The following GPM6A variants were observed in gnomAD, a reference collection of about 807,000 sequenced individuals.
The protein encoded by GPM6A is glycoprotein M6A.
GPM6A carries 7 observed loss-of-function variants against 32.1 expected under a neutral mutation model. The ratio of observed to expected loss-of-function variants is 0.22; its 90% CI spans 0.12 to 0.41. GPM6A has a LOEUF of 0.41. Ranked by LOEUF, GPM6A falls within the 10% of genes least tolerant of loss-of-function variation. The pLI is 1.00. For missense variants in GPM6A, 235 were observed against 347.2 expected (o/e 0.68, Z 2.57); for synonymous variants, 130 against 123.4 (o/e 1.05, Z -0.35).
At chr4:175,730,632 G>A (rs563321545) in intron 1 of GPM6A, among the ~76,000 whole-genome samples, 16 of 151,806 alleles carry the variant, frequency 1.1e-4, no homozygotes, top group African/African-American at 3.9e-4. Flanking sequence ...CACCACGCGC[G>A]GCTAATTTTT....
rs747599416 is a variant in GPM6A, at chr4:175,640,707, T to A, written c.618+46A>T. ...AATACATTATCCAAATAATAAAAAATGAATGCTAAAATTCTGACAAAATTA... is the reference window on the plus strand; with the variant it reads ...AATACATTATCCAAATAATAAAAAAAGAATGCTAAAATTCTGACAAAATTA... On this transcript the variant is annotated intron_variant, in intron 5 of 6. Transcript: ENST00000393658. 3 of 1,233,516 alleles carry A rather than the reference T, an allele frequency of 2.4e-6. No homozygotes were observed. In the South Asian group the frequency reaches 3.7e-5, roughly 15 times the overall value. 76.4% of individuals were successfully genotyped at this position (1,233,516 alleles called of 1,614,324 possible).
chr4:175,879,732 T>C (rs192185201), intron 1 of GPM6A, among the ~76,000 whole-genome samples: 35 of 152,290 alleles, frequency 2.3e-4, no homozygotes, highest in Admixed American at 2.2e-3. Context: ...AAAATGGCCT[T>C]CTTCCCTCCA....
At chr4:175,902,946 T>A (rs952264373) in intron 1 of GPM6A, among the ~76,000 whole-genome samples, 1 of 152,054 alleles carries the variant, frequency 6.6e-6, no homozygotes, top group Non-Finnish European at 1.5e-5. Flanking sequence ...CTATGATAAA[T>A]AAATATAGAA....
intron 1 of GPM6A, among the ~76,000 whole-genome samples, chr4:175,928,108 G>T (rs1408914550): frequency 6.6e-6 from 1 of 152,120 alleles, no homozygotes; most frequent in Non-Finnish European, 1.5e-5. Flanking sequence ...AAACAGAAGA[G>T]ATTTTTATTT....
At chr4:175,839,604 CTTTT>C (rs964949896) in intron 1 of GPM6A, among the ~76,000 whole-genome samples, 3 of 151,320 alleles carry the variant, frequency 2.0e-5, no homozygotes. Flanking sequence ...ATAAAAAACA[CTTTT>C]TTTTTAAAAT....
At chr4:175,722,842 G>A (rs143586491) in intron 1 of GPM6A, among the ~76,000 whole-genome samples, 3 of 151,582 alleles carry the variant, frequency 2.0e-5, no homozygotes, top group African/African-American at 7.3e-5. Context: ...CCAGGAGTTC[G>A]AGGCCTGTCT....
intron 1 of GPM6A, among the ~76,000 whole-genome samples, chr4:175,948,194 T>A (rs1739674990): frequency 6.6e-6 from 1 of 152,190 alleles, no homozygotes; most frequent in Non-Finnish European, 1.5e-5. Context: ...ATAGACAGGA[T>A]GTGTCCCCCT....
At chr4:175,870,093 G>C (rs1736859313) in intron 1 of GPM6A, among the ~76,000 whole-genome samples, 1 of 152,260 alleles carries the variant, frequency 6.6e-6, no homozygotes, top group African/African-American at 2.4e-5. Context: ...AAACTGAATT[G>C]CCATAGTAGT....
At chr4:175,959,070 G>A (rs1228919876) in intron 1 of GPM6A, among the ~76,000 whole-genome samples, 1 of 151,988 alleles carries the variant, frequency 6.6e-6, no homozygotes, top group Non-Finnish European at 1.5e-5. Flanking sequence ...AATATAGGTA[G>A]GAATAGTAGA....
At chr4:175,939,839 T>G (rs73871292) in intron 1 of GPM6A, among the ~76,000 whole-genome samples, 9,118 of 152,092 alleles carry the variant, frequency 0.06, 857 homozygotes, top group African/African-American at 0.2. Context: ...ATTTATCTGC[T>G]TCACTCTTAA....
chr4:175,827,945 A>G (rs1342143658), intron 1 of GPM6A, among the ~76,000 whole-genome samples: 2 of 152,198 alleles, frequency 1.3e-5, no homozygotes, highest in Non-Finnish European at 2.9e-5. Flanking sequence ...AAACTAGGAA[A>G]AGCTAAGAGA....
intron 1 of GPM6A, among the ~76,000 whole-genome samples, chr4:175,756,961 A>G (rs1047688323): frequency 1.3e-5 from 2 of 152,080 alleles, no homozygotes; most frequent in Non-Finnish European, 2.9e-5. Context: ...AATATGGGGC[A>G]ATGGGTGGGT....
chr4:175,870,432 T>C (rs1304162126), intron 1 of GPM6A, among the ~76,000 whole-genome samples: 2 of 152,188 alleles, frequency 1.3e-5, no homozygotes, highest in African/African-American at 4.8e-5. Context: ...CTCAAAATGT[T>C]ATTACGTACC....
intron 1 of GPM6A, among the ~76,000 whole-genome samples, chr4:175,952,832 G>T (rs926299253): frequency 1.3e-5 from 2 of 151,956 alleles, no homozygotes; most frequent in Non-Finnish European, 2.9e-5. Context: ...GATCCCTTGA[G>T]CCCCACAGTT....
At chr4:175,993,373 C>T (rs915510023) in intron 1 of GPM6A, among the ~76,000 whole-genome samples, 6 of 151,180 alleles carry the variant, frequency 4.0e-5, no homozygotes, top group Middle Eastern at 3.2e-3. Context: ...TCTTAAAACT[C>T]TTTTTTTTTC....
chr4:175,652,473 A>G (rs1270404659), intron 3 of GPM6A, among the ~76,000 whole-genome samples: 1 of 152,110 alleles, frequency 6.6e-6, no homozygotes, highest in East Asian at 1.9e-4. Flanking sequence ...CTCAAATCAC[A>G]TTAGTATATA....
intron 4 of GPM6A, among the ~76,000 whole-genome samples, chr4:175,643,434 T>C (rs1476566192): frequency 6.6e-6 from 1 of 152,216 alleles, no homozygotes. Flanking sequence ...TTGACTTCCC[T>C]GTTGTTTCCT....
chr4:175,912,971 C>T (rs1738370059), intron 1 of GPM6A, among the ~76,000 whole-genome samples: 1 of 152,116 alleles, frequency 6.6e-6, no homozygotes, highest in African/African-American at 2.4e-5. Context: ...TTTTTAATTG[C>T]ATTTTTCCCT....
At chr4:175,842,440 A>T (rs1735968435) in intron 1 of GPM6A, among the ~76,000 whole-genome samples, 1 of 152,148 alleles carries the variant, frequency 6.6e-6, no homozygotes, top group African/African-American at 2.4e-5. Context: ...TGGCCATAGG[A>T]AAAATAAACA....
Sources: allele counts gnomAD v4.1 joint callset (sites outside exome capture counted in the v4.1 genomes callset), GRCh38; gene constraint gnomAD v4.1.1; transcripts MANE v1.5; gene names NCBI Gene and HGNC (gene_info 2026-07-23, HGNC 2026-07-21).